Variants in PHF20 observed in about 807,000 individuals in gnomAD.
The protein encoded by PHF20 is PHD finger protein 20, also known as glioma-expressed antigen 2.
Under a neutral mutation model 113.5 loss-of-function variants are expected in PHF20, and 23 were observed. The observed-to-expected ratio is 0.20, with a 90% CI of 0.15 to 0.29. PHF20 has a LOEUF of 0.29. Ranked by LOEUF, PHF20 falls within the 10% of genes least tolerant of loss-of-function variation. The probability of loss-of-function intolerance (pLI) is 1.00; values close to 1 mark genes in which losing one functional copy is unlikely to be tolerated. For synonymous variants in PHF20, 434 were observed against 457.3 expected (o/e 0.95, Z 0.65); for missense variants, 943 against 1,219.6 (o/e 0.77, Z 3.38).
intron 9 of PHF20, among the ~76,000 whole-genome samples, chr20:35,895,582 G>C (rs927005852): frequency 4.0e-5 from 6 of 151,200 alleles, no homozygotes; most frequent in African/African-American, 1.5e-4. Flanking sequence ...ATGTATTAAA[G>C]TTTTGTGTTT....
rs751778845 is a variant in PHF20 at position 35,947,603 on chromosome 20, G to C, written c.3015G>C (p.Gln1005His). 1 of 1,614,044 alleles carries C rather than the reference G, an allele frequency of 6.2e-7. No homozygotes were observed. The highest frequency in any genetic ancestry group is 1.1e-5 in the South Asian group (1 of 91,074). Residue 1005 changes from glutamine to histidine, a missense_variant, in exon 18 of 18, where the codon CAG becomes CAC. Gln to His is a conservative substitution (Grantham distance 24, BLOSUM62 0). This residue lies in a region of PHF20 where 349 missense variants were observed against 412.3 expected (regional missense o/e 0.85). Coordinates refer to ENST00000374012, the MANE Select transcript of PHF20 (RefSeq NM_016436.5). ...TGATGGACCTGGGCAAGGTGCAGCA[G>C]ATCGCCCTCTGCTGCTCAACATGAA... The part of the protein sequence containing the change: ...QLLMDLGKVQ[Q>H]IALCCST
chr20:35,792,812 C>T (rs1476273385), intron 1 of PHF20, among the ~76,000 whole-genome samples: 4 of 152,126 alleles, frequency 2.6e-5, no homozygotes, highest in Non-Finnish European at 4.4e-5. Context: ...GTTTGCTATG[C>T]TAAGCACTTG....
At chr20:35,831,571 C>T (rs1053335181) in intron 2 of PHF20, among the ~76,000 whole-genome samples, 4 of 152,132 alleles carry the variant, frequency 2.6e-5, no homozygotes, top group African/African-American at 9.7e-5. Context: ...CTCAAGTGAT[C>T]CCCCAACTCC....
intron 2 of PHF20, among the ~76,000 whole-genome samples, chr20:35,815,739 A>G (rs1178545964): frequency 6.6e-6 from 1 of 151,918 alleles, no homozygotes; most frequent in Admixed American, 6.6e-5. Flanking sequence ...TGCTGGGATT[A>G]CAGGCGTCAG....
chr20:35,802,834 G>T (rs1456140607), intron 2 of PHF20, among the ~76,000 whole-genome samples: 1 of 151,450 alleles, frequency 6.6e-6, no homozygotes, highest in African/African-American at 2.4e-5. Flanking sequence ...AGCTTCTCGG[G>T]AGGCTGAGCC....
intron 9 of PHF20, among the ~76,000 whole-genome samples, chr20:35,881,503 T>G (rs1211322744): frequency 1.4e-5 from 2 of 143,614 alleles, no homozygotes; most frequent in Admixed American, 7.2e-5. Flanking sequence ...ATAGCACCAC[T>G]GCACTCCAGC....
At chr20:35,868,561 G>A (rs375770436) in intron 6 of PHF20, among the ~76,000 whole-genome samples, 5 of 152,210 alleles carry the variant, frequency 3.3e-5, no homozygotes, top group South Asian at 2.1e-4. Flanking sequence ...AGCCGAGATC[G>A]TGCCACTGCA....
intron 1 of PHF20, among the ~76,000 whole-genome samples, chr20:35,773,140 G>GC (rs2041098287): frequency 6.6e-6 from 1 of 151,958 alleles, no homozygotes; most frequent in Non-Finnish European, 1.5e-5. Flanking sequence ...TGTTTCTTGT[G>GC]CCCCCCAAAT....
intron 1 of PHF20, among the ~76,000 whole-genome samples, chr20:35,787,155 C>CTAAT (rs546651316): frequency 9.5e-6 from 1 of 105,626 alleles, no homozygotes; most frequent in African/African-American, 3.4e-5. Context: ...CTGTGCCTGG[C>CTAAT]TAATTATTTA....
chr20:35,798,550 G>A (rs1296256389), intron 1 of PHF20, among the ~76,000 whole-genome samples: 1 of 151,798 alleles, frequency 6.6e-6, no homozygotes, highest in Admixed American at 6.6e-5. Context: ...CACCTCCTGG[G>A]TTCAAGTGAT....
chr20:35,868,359 G>A (rs1024655356), intron 6 of PHF20, among the ~76,000 whole-genome samples: 1 of 152,086 alleles, frequency 6.6e-6, no homozygotes, highest in Non-Finnish European at 1.5e-5. Flanking sequence ...CAGCACTTTG[G>A]GAGGCTGAGG....
chr20:35,844,681 C>A (rs146756474), intron 3 of PHF20, among the ~76,000 whole-genome samples: 117 of 151,358 alleles, frequency 7.7e-4, no homozygotes, highest in African/African-American at 2.7e-3. Flanking sequence ...GCAAAGAAAT[C>A]ATAAAATAAT....
At chr20:35,833,002 G>T (rs1200978594) in intron 2 of PHF20, among the ~76,000 whole-genome samples, 1 of 139,896 alleles carries the variant, frequency 7.1e-6, no homozygotes, top group African/African-American at 2.7e-5. Flanking sequence ...AGTGAGCTGA[G>T]ATCACACCAC....
At chr20:35,829,658 A>G (rs1046971265) in intron 2 of PHF20, among the ~76,000 whole-genome samples, 4 of 147,402 alleles carry the variant, frequency 2.7e-5, no homozygotes, top group Admixed American at 6.9e-5. Flanking sequence ...AAAATTTTTC[A>G]TAGTGAGATA....
intron 11 of PHF20, among the ~76,000 whole-genome samples, chr20:35,913,629 A>C (rs1478865833): frequency 6.6e-6 from 1 of 152,258 alleles, no homozygotes; most frequent in Non-Finnish European, 1.5e-5. Flanking sequence ...AAGTGTAAGC[A>C]GATGTGCAGG....
chr20:35,816,695 G>T (rs1027280692), intron 2 of PHF20, among the ~76,000 whole-genome samples: 1 of 150,830 alleles, frequency 6.6e-6, no homozygotes. Flanking sequence ...CTTATGATTC[G>T]CCCGCCTCAG....
chr20:35,776,104 T>C (rs562835517), intron 1 of PHF20, among the ~76,000 whole-genome samples: 1 of 152,348 alleles, frequency 6.6e-6, no homozygotes, highest in East Asian at 1.9e-4. Flanking sequence ...CTGCCATGCC[T>C]GGCTATTGCC....
At chr20:35,846,378 A>C (rs1179145861) in intron 3 of PHF20, among the ~76,000 whole-genome samples, 1 of 151,826 alleles carries the variant, frequency 6.6e-6, no homozygotes, top group Admixed American at 6.6e-5. Context: ...GGGTTTCACC[A>C]TGTTGGCCAG....
chr20:35,822,626 G>A (rs143692597), intron 2 of PHF20, among the ~76,000 whole-genome samples: 2,341 of 151,768 alleles, frequency 0.015, 19 homozygotes, highest in Non-Finnish European at 0.024. Context: ...TTGAGCCCAG[G>A]AGTTTGAGAC....
Sources: gnomAD v4.1 joint callset for allele counts (sites outside exome capture counted in the v4.1 genomes callset) on GRCh38, gnomAD v4.1.1 for gene constraint, gnomAD v4.1.1 regional missense constraint, MANE v1.5 for transcripts, NCBI Gene and HGNC (gene_info 2026-07-23, HGNC 2026-07-21) for gene names.